The following ROBO1 variants were observed in gnomAD, a reference collection of about 807,000 sequenced individuals.
The protein encoded by ROBO1 is roundabout guidance receptor 1.
Under a neutral mutation model 195.9 loss-of-function variants are expected in ROBO1, and 149 were observed. That is an observed-to-expected ratio of 0.76 (90% CI 0.67 to 0.87). The LOEUF (loss-of-function observed/expected upper bound fraction) is 0.87, where lower values mean the gene tolerates loss of function less well. Ranked by LOEUF, ROBO1 falls within the 40% of genes least tolerant of loss-of-function variation. ROBO1 has a pLI of 0.00. For synonymous variants in ROBO1, 816 were observed against 733.2 expected (o/e 1.11, Z -1.82); for missense variants, 1,933 against 2,068.3 (o/e 0.93, Z 1.27).
At chr3:78,879,270 A>G (rs894218463) in intron 4 of ROBO1, among the ~76,000 whole-genome samples, 1 of 152,202 alleles carries the variant, frequency 6.6e-6, no homozygotes, top group Non-Finnish European at 1.5e-5. Flanking sequence ...TTCTCTACCA[A>G]AATAACTCAA....
chr3:79,684,845 T>A (rs1947054085), intron 1 of ROBO1, among the ~76,000 whole-genome samples: 1 of 151,830 alleles, frequency 6.6e-6, no homozygotes, highest in African/African-American at 2.4e-5. Context: ...CAGGTTAATT[T>A]TTTGTATTTT....
chr3:78,940,989 T>C (rs1251885822), intron 3 of ROBO1, among the ~76,000 whole-genome samples: 1 of 152,112 alleles, frequency 6.6e-6, no homozygotes, highest in Non-Finnish European at 1.5e-5. Context: ...TTTTTCAAAG[T>C]TATAACTAAT....
chr3:78,866,730 T>A (rs1352529775), intron 4 of ROBO1, among the ~76,000 whole-genome samples: 1 of 152,196 alleles, frequency 6.6e-6, no homozygotes, highest in Non-Finnish European at 1.5e-5. Flanking sequence ...CACCTTAACT[T>A]ACATGGTTTT....
rs145278982 is a variant in ROBO1, at chr3:79,601,131, A to G, written c.-50-11170T>C. Among the ~76,000 whole-genome samples, 780 of 152,112 alleles carry G rather than the reference A, an allele frequency of 5.1e-3. 4 individuals carry two copies. The highest frequency in any genetic ancestry group is 0.016 in the African/African-American group (673 of 41,558). Reference sequence around the variant, plus strand: ...TGTTCATCCCAGAAGTGAACATTAGAGATGGAATTCGAAAGAACAGTAGTT... The same window carrying G: ...TGTTCATCCCAGAAGTGAACATTAGGGATGGAATTCGAAAGAACAGTAGTT... On this transcript the variant is annotated intron_variant, in intron 1 of 30. Transcript: ENST00000464233.
intron 2 of ROBO1, among the ~76,000 whole-genome samples, chr3:79,525,695 T>C: frequency 6.6e-6 from 1 of 150,446 alleles, no homozygotes; most frequent in Non-Finnish European, 1.5e-5. Flanking sequence ...AACCTCCGCT[T>C]CCCGGGTTCA....
intron 2 of ROBO1, among the ~76,000 whole-genome samples, chr3:79,205,137 C>T (rs758197942): frequency 6.6e-6 from 1 of 151,840 alleles, no homozygotes; most frequent in Non-Finnish European, 1.5e-5. Flanking sequence ...GGATTACAGG[C>T]GCGCACCACC....
intron 1 of ROBO1, among the ~76,000 whole-genome samples, chr3:79,591,655 A>G (rs957258727): frequency 4.0e-5 from 6 of 151,876 alleles, no homozygotes; most frequent in African/African-American, 1.4e-4. Context: ...TTTAATCCAT[A>G]CTATGCAGTT....
At chr3:78,730,131 T>G (rs1037855703) in intron 5 of ROBO1, among the ~76,000 whole-genome samples, 2 of 152,210 alleles carry the variant, frequency 1.3e-5, no homozygotes, top group Admixed American at 6.5e-5. Context: ...GAGAAAAGCT[T>G]ATTTTCAAAC....
chr3:78,659,548 A>T, intron 17 of ROBO1, 138 bp downstream of exon 17: 1 of 606,608 alleles, frequency 1.6e-6, no homozygotes, highest in Non-Finnish European at 2.4e-6. Context: ...AAAGCGTTTT[A>T]AAAATAATTT....
At chr3:78,689,815 T>G (rs1000935723) in intron 8 of ROBO1, among the ~76,000 whole-genome samples, 1 of 152,044 alleles carries the variant, frequency 6.6e-6, no homozygotes, top group Admixed American at 6.6e-5. Context: ...AATCAATCAC[T>G]TAGGGAAACT....
intron 3 of ROBO1, among the ~76,000 whole-genome samples, chr3:79,102,245 ATTC>A (rs2079690873): frequency 6.6e-6 from 1 of 151,784 alleles, no homozygotes; most frequent in Non-Finnish European, 1.5e-5. Flanking sequence ...CATAGATAGT[ATTC>A]TTCTTTTTTA....
intron 2 of ROBO1, among the ~76,000 whole-genome samples, chr3:79,563,958 A>AT (rs1358260045): frequency 2.0e-5 from 3 of 151,976 alleles, no homozygotes; most frequent in Non-Finnish European, 4.4e-5. Flanking sequence ...TGACTCTAAT[A>AT]TAGATTATAG....
At chr3:79,034,043 C>A (rs1576593802) in intron 3 of ROBO1, among the ~76,000 whole-genome samples, 1 of 152,134 alleles carries the variant, frequency 6.6e-6, no homozygotes, top group East Asian at 1.9e-4. Context: ...ACTCTAACTA[C>A]CTCTGATCTA....
chr3:79,211,777 T>C (rs941622011), intron 2 of ROBO1, among the ~76,000 whole-genome samples: 4 of 152,142 alleles, frequency 2.6e-5, no homozygotes, highest in Admixed American at 1.3e-4. Flanking sequence ...GCTTGACTGA[T>C]TGCCGAGACC....
chr3:79,317,065 T>C (rs937120980), intron 2 of ROBO1, among the ~76,000 whole-genome samples: 2 of 152,124 alleles, frequency 1.3e-5, no homozygotes, highest in African/African-American at 2.4e-5. Context: ...GTCTCTACAA[T>C]TGAATTAGAA....
At chr3:78,680,474 A>G (rs2080870393) in intron 10 of ROBO1, among the ~76,000 whole-genome samples, 1 of 152,150 alleles carries the variant, frequency 6.6e-6, no homozygotes, top group South Asian at 2.1e-4. Context: ...ATGAACTCCA[A>G]CAAATTTACA....
At chr3:78,842,268 GAGCCATATATATATTTATATA>G (rs1399040329) in intron 4 of ROBO1, among the ~76,000 whole-genome samples, 48 of 122,402 alleles carry the variant, frequency 3.9e-4, no homozygotes, top group Non-Finnish European at 5.8e-4. Context: ...TTATATATAT[GAGCCATATATATATTTATATA>G]TATGAGCCAT....
At position 78,807,750 on chromosome 3, in the gene ROBO1, A is replaced by G. The variant is rs758324853; in HGVS notation, c.500-60850T>C. ...TTTAAACATTTGTATGCATACACAC[A>G]GCACATGCATGTGTGTGTTTGTGTT... On this transcript the variant is annotated intron_variant, in intron 4 of 30. Coordinates refer to ENST00000464233, the MANE Select transcript of ROBO1 (RefSeq NM_002941.4). Among the ~76,000 whole-genome samples the G allele has an allele frequency of 9.2e-5, 14 of 152,294 alleles. No individual in the cohort carries two copies. In the East Asian group the frequency reaches 9.7e-4, roughly 11 times the overall value.
chr3:79,642,952 T>C (rs76697749), intron 1 of ROBO1, among the ~76,000 whole-genome samples: 1 of 152,118 alleles, frequency 6.6e-6, no homozygotes, highest in African/African-American at 2.4e-5. Flanking sequence ...CTTGATTGGG[T>C]TGAAGGATGC....
Sources: gnomAD v4.1 joint callset for allele counts (sites outside exome capture counted in the v4.1 genomes callset) on GRCh38, gnomAD v4.1.1 for gene constraint, MANE v1.5 for transcripts, NCBI Gene and HGNC (gene_info 2026-07-23, HGNC 2026-07-21) for gene names.